The following WWOX variants were observed in gnomAD, a reference collection of about 807,000 sequenced individuals.
The protein encoded by WWOX is WW domain containing oxidoreductase, also known as WW domain-containing oxidoreductase.
In WWOX, 69 loss-of-function variants were observed where a neutral mutation model predicts 46.2. The ratio of observed to expected loss-of-function variants is 1.49; its 90% CI spans 1.23 to 1.82. The LOEUF (loss-of-function observed/expected upper bound fraction) is 1.82. Among genes scored for constraint, WWOX ranks in the 40% most tolerant of loss-of-function variants. The probability of loss-of-function intolerance (pLI) is 0.00; values close to 1 mark genes in which losing one functional copy is unlikely to be tolerated. For missense variants in WWOX, 919 were observed against 542.6 expected (o/e 1.69, Z -6.89); for synonymous variants, 359 against 202.6 (o/e 1.77, Z -6.56).
intron 5 of WWOX, among the ~76,000 whole-genome samples, chr16:78,252,288 A>G (rs117850836): frequency 6.6e-6 from 1 of 152,346 alleles, no homozygotes; most frequent in African/African-American, 2.4e-5. Flanking sequence ...AATCATATGT[A>G]TGTATATGTG....
At chr16:79,011,523 A>T (rs553699939) in intron 8 of WWOX, among the ~76,000 whole-genome samples, 2 of 149,244 alleles carry the variant, frequency 1.3e-5, no homozygotes, top group African/African-American at 5.0e-5. Flanking sequence ...ACAGGGTCTT[A>T]ATCTGTCCCC....
intron 5 of WWOX, among the ~76,000 whole-genome samples, chr16:78,313,564 C>G (rs1319685975): frequency 6.6e-6 from 1 of 152,182 alleles, no homozygotes; most frequent in African/African-American, 2.4e-5. Context: ...CGGGGTTTCT[C>G]CATGTTGGTC....
chr16:79,073,149 C>CATTATT (rs1347902543), intron 8 of WWOX, among the ~76,000 whole-genome samples: 1 of 92,606 alleles, frequency 1.1e-5, no homozygotes, highest in South Asian at 3.7e-4. Flanking sequence ...AGTAGTTATT[C>CATTATT]GTTATTATTA....
intron 8 of WWOX, among the ~76,000 whole-genome samples, chr16:78,489,924 C>T (rs575400172): frequency 1.3e-5 from 2 of 152,216 alleles, no homozygotes; most frequent in Non-Finnish European, 2.9e-5. Flanking sequence ...TGTTTATATT[C>T]CACTGGGGTA....
intron 5 of WWOX, among the ~76,000 whole-genome samples, chr16:78,321,376 ATATGCG>A (rs1466796611): frequency 1.0e-5 from 1 of 96,562 alleles, no homozygotes; most frequent in African/African-American, 5.6e-5. Flanking sequence ...ATATACGTAT[ATATGCG>A]TATATATATA....
chr16:78,676,014 A>T (rs2047589536), intron 8 of WWOX, among the ~76,000 whole-genome samples: 1 of 152,100 alleles, frequency 6.6e-6, no homozygotes, highest in Non-Finnish European at 1.5e-5. Context: ...ATGATCTAGT[A>T]CAAAGAATTT....
chr16:79,121,670 C>T (rs777059351), intron 8 of WWOX, among the ~76,000 whole-genome samples: 1 of 152,078 alleles, frequency 6.6e-6, no homozygotes, highest in Non-Finnish European at 1.5e-5. Flanking sequence ...GGGCATGCGC[C>T]AAGGGAAGCT....
intron 8 of WWOX, among the ~76,000 whole-genome samples, chr16:78,925,001 C>T (rs2045465584): frequency 6.6e-6 from 1 of 152,124 alleles, no homozygotes; most frequent in Non-Finnish European, 1.5e-5. Context: ...TCAAGACCAG[C>T]CTGGGCAACA....
At position 78,725,466 on chromosome 16, in the gene WWOX, G is replaced by A. The variant is rs151275484; in HGVS notation, c.1056+292714G>A. ...GGATTTAAGCGATTCTCCTGCCTCAGCCTCCCAGGTAGCTGGGATTATAGG... is the reference window on the plus strand; with the variant it reads ...GGATTTAAGCGATTCTCCTGCCTCAACCTCCCAGGTAGCTGGGATTATAGG... On this transcript the variant is annotated intron_variant, in intron 8 of 8. Coordinates refer to ENST00000566780, the MANE Select transcript of WWOX (RefSeq NM_016373.4). Among the ~76,000 whole-genome samples, 648 of 146,336 alleles carry A rather than the reference G, an allele frequency of 4.4e-3. 3 individuals carry two copies. The highest frequency in any genetic ancestry group is 0.012 in the Middle Eastern group (3 of 260).
intron 8 of WWOX, among the ~76,000 whole-genome samples, chr16:79,059,127 T>C (rs1367774764): frequency 6.6e-6 from 1 of 152,224 alleles, no homozygotes; most frequent in Non-Finnish European, 1.5e-5. Flanking sequence ...TTTAATTTAA[T>C]TCACAGGGAG....
intron 8 of WWOX, among the ~76,000 whole-genome samples, chr16:78,436,221 A>G (rs1259307011): frequency 6.6e-6 from 1 of 152,120 alleles, no homozygotes; most frequent in Non-Finnish European, 1.5e-5. Flanking sequence ...ACAGAACAAG[A>G]GTCTGCAAAT....
At position 78,138,104 on chromosome 16, in the gene WWOX, C is replaced by T. The variant is rs1390935173; in HGVS notation, c.409+22950C>T. 2.7e-5 allele frequency among the ~76,000 whole-genome samples: 4 copies of T among 150,690 alleles called. No individual in the cohort carries two copies. The South Asian group carries it at 6.4e-4, about 24-fold the overall frequency. On this transcript the variant is annotated intron_variant, in intron 4 of 8. Transcript: ENST00000566780. ...TTCTTGGCCAACTGTCTAAATGGCT[C>T]GCTGCATCCTCTTCACGAGAGCTGA...
intron 5 of WWOX, among the ~76,000 whole-genome samples, chr16:78,197,662 C>T (rs925061813): frequency 5.3e-5 from 8 of 152,196 alleles, no homozygotes; most frequent in Admixed American, 1.3e-4. Flanking sequence ...TAATACTTCA[C>T]GTCTTTATTG....
chr16:79,161,954 G>A (rs139576986), intron 8 of WWOX, among the ~76,000 whole-genome samples: 43 of 152,336 alleles, frequency 2.8e-4, no homozygotes, highest in African/African-American at 1.0e-3. Flanking sequence ...CTGGAGATAG[G>A]AATCCACCTA....
At chr16:78,668,977 G>T (rs2047396888) in intron 8 of WWOX, among the ~76,000 whole-genome samples, 1 of 152,188 alleles carries the variant, frequency 6.6e-6, no homozygotes, top group South Asian at 2.1e-4. Flanking sequence ...CTTAAAAATT[G>T]TTAGAAGAGC....
intron 8 of WWOX, among the ~76,000 whole-genome samples, chr16:78,849,049 C>T (rs904084207): frequency 6.6e-6 from 1 of 152,152 alleles, no homozygotes; most frequent in African/African-American, 2.4e-5. Flanking sequence ...CTGCCATGGG[C>T]ATGATCACTG....
intron 8 of WWOX, among the ~76,000 whole-genome samples, chr16:78,497,727 C>G (rs1407011851): frequency 1.3e-5 from 2 of 152,064 alleles, no homozygotes; most frequent in Admixed American, 6.5e-5. Flanking sequence ...AATGTGGACT[C>G]TCAGCAGGAC....
At chr16:78,819,839 G>A (rs952352206) in intron 8 of WWOX, among the ~76,000 whole-genome samples, 1 of 152,156 alleles carries the variant, frequency 6.6e-6, no homozygotes, top group African/African-American at 2.4e-5. Context: ...ACGTGTTTGC[G>A]CCAGTGAGAC....
intron 8 of WWOX, among the ~76,000 whole-genome samples, chr16:79,011,330 C>T (rs1179685659): frequency 6.6e-6 from 1 of 151,820 alleles, no homozygotes; most frequent in East Asian, 1.9e-4. Flanking sequence ...CTAATATGCC[C>T]TCTACATTCA....
Sources: gnomAD v4.1 joint callset for allele counts (sites outside exome capture counted in the v4.1 genomes callset) on GRCh38, gnomAD v4.1.1 for gene constraint, MANE v1.5 for transcripts, NCBI Gene and HGNC (gene_info 2026-07-23, HGNC 2026-07-21) for gene names.